ABCG8: variants seen among roughly 807,000 people sequenced by gnomAD.
ABCG8 encodes the protein ATP-binding cassette sub-family G member 8.
In ABCG8, 81 loss-of-function variants were observed where a neutral mutation model predicts 71.3. The ratio of observed to expected loss-of-function variants is 1.14; its 90% confidence interval spans 0.95 to 1.37. ABCG8 has a LOEUF of 1.37. ABCG8 is among the 40% of genes most tolerant of loss of function. ABCG8 has a pLI of 0.00. For synonymous variants in ABCG8, 451 were observed against 354.7 expected (o/e 1.27, Z -3.05); for missense variants, 1,119 against 866.2 (o/e 1.29, Z -3.66).
intron 11 of ABCG8, 93 bp from the exon 12 acceptor site, chr2:43,877,468 G>C (rs1669994847): frequency 3.8e-6 from 6 of 1,577,584 alleles, no homozygotes; most frequent in Non-Finnish European, 5.2e-6. Flanking sequence ...GGAATATGGG[G>C]AGACTCTGTG....
chr2:43,867,226 T>A (rs2104939208), intron 6 of ABCG8, among the ~76,000 whole-genome samples: 1 of 149,112 alleles, frequency 6.7e-6, no homozygotes, highest in South Asian at 2.2e-4. Flanking sequence ...GGGATAGCAC[T>A]GGGAGATATA....
At chr2:43,857,677 T>C (rs530524435) in intron 6 of ABCG8, among the ~76,000 whole-genome samples, 9 of 151,704 alleles carry the variant, frequency 5.9e-5, no homozygotes, top group African/African-American at 2.2e-4. Context: ...TGGACAAAAC[T>C]CTCACTATCT....
chr2:43,840,303 T>C (rs1425439825), intron 1 of ABCG8, among the ~76,000 whole-genome samples: 1 of 152,218 alleles, frequency 6.6e-6, no homozygotes, highest in African/African-American at 2.4e-5. Flanking sequence ...GCTCTCTGAA[T>C]ACCCTGTGGG....
chr2:43,876,292 TG>T (rs547992298), intron 11 of ABCG8, among the ~76,000 whole-genome samples: 39 of 152,350 alleles, frequency 2.6e-4, no homozygotes, highest in Non-Finnish European at 2.9e-4. Flanking sequence ...TCTTGGTCTC[TG>T]GTCTCTCTCC....
Position 43,872,256 on chromosome 2 carries a change from G to C in ABCG8, c.1161G>C (p.Pro387=), listed in dbSNP as rs568651603. ...CCCCACTAGACACCAACTGCCTCCCGAGTCCTACGAAGATGCCTGGGGCGG... is the reference window on the plus strand; with the variant it reads ...CCCCACTAGACACCAACTGCCTCCCCAGTCCTACGAAGATGCCTGGGGCGG... The part of the protein sequence containing the change: ...SVTPLDTNCL[P]SPTKMPGAVQ... The change falls in exon 8 of 13, where the codon CCG becomes CCC. Residue 387 remains proline, a synonymous_variant. Transcript: ENST00000272286. 6.2e-7 allele frequency: 1 copy of C among 1,613,940 alleles called. No individual in the cohort carries two copies. The highest frequency in any genetic ancestry group is 1.7e-5 in the Admixed American group (1 of 60,022).
intron 6 of ABCG8, among the ~76,000 whole-genome samples, chr2:43,870,246 A>AT (rs1669714624): frequency 6.6e-6 from 1 of 151,744 alleles, no homozygotes; most frequent in Non-Finnish European, 1.5e-5. Flanking sequence ...TCTGGATAGA[A>AT]CTAGCACTAT....
At chr2:43,866,454 A>G (rs1322075576) in intron 6 of ABCG8, among the ~76,000 whole-genome samples, 2 of 152,174 alleles carry the variant, frequency 1.3e-5, no homozygotes, top group Admixed American at 1.3e-4. Context: ...CATCTGACAA[A>G]GGGCTAATAT....
chr2:43,871,858 T>C (rs1055953431), intron 6 of ABCG8, 118 bp from the exon 7 acceptor site: 19 of 1,426,124 alleles, frequency 1.3e-5, no homozygotes, highest in Non-Finnish European at 1.7e-5. Flanking sequence ...GTGGGGAGAA[T>C]GTCCCAGAGC....
intron 1 of ABCG8, among the ~76,000 whole-genome samples, chr2:43,841,447 CAG>C (rs1668578881): frequency 6.6e-6 from 1 of 152,168 alleles, no homozygotes; most frequent in Non-Finnish European, 1.5e-5. Flanking sequence ...TTGAAAAATA[CAG>C]AGAGTTTGTC....
At chr2:43,870,706 A>T (rs1558847511) in intron 6 of ABCG8, among the ~76,000 whole-genome samples, 1 of 151,624 alleles carries the variant, frequency 6.6e-6, no homozygotes, top group Non-Finnish European at 1.5e-5. Context: ...TCTGGATCGA[A>T]CTCTCACTAT....
chr2:43,854,626 C>CAAAAAAAA (rs759609173), intron 6 of ABCG8, among the ~76,000 whole-genome samples: 7 of 74,722 alleles, frequency 9.4e-5, no homozygotes, highest in African/African-American at 2.7e-4. Flanking sequence ...GACTCCATCT[C>CAAAAAAAA]AAAAAAAAAA....
At chr2:43,863,607 T>A (rs1669411321) in intron 6 of ABCG8, among the ~76,000 whole-genome samples, 1 of 151,660 alleles carries the variant, frequency 6.6e-6, no homozygotes, top group South Asian at 2.1e-4. Flanking sequence ...GAATTCTCAC[T>A]ATCTGTCAGG....
At chr2:43,863,599 A>G (rs1226081394) in intron 6 of ABCG8, among the ~76,000 whole-genome samples, 5 of 151,500 alleles carry the variant, frequency 3.3e-5, no homozygotes, top group African/African-American at 1.2e-4. Context: ...TCTGGATAGA[A>G]TTCTCACTAT....
At position 43,875,275 on chromosome 2, in the gene ABCG8, T is replaced by C. The variant is rs752691925; in HGVS notation, c.1618T>C (p.Phe540Leu). 1.2e-6 allele frequency: 2 copies of C among 1,614,210 alleles called. No individual in the cohort carries two copies. The highest frequency in any genetic ancestry group is 4.5e-5 in the East Asian group (2 of 44,880). ...CTTCCTGCTGGTGTGGCTGGTGGTC[T>C]TCTGTTGCAGGATTATGGCCCTGGC... ...LHFLLVWLVV[F>L]CCRIMALAAA... The change falls in exon 11 of 13, where the codon TTC (phenylalanine) becomes CTC (leucine). Residue 540 changes from phenylalanine to leucine, a missense_variant. Physicochemically the swap from Phe to Leu is conservative, Grantham distance 22. Coordinates refer to ENST00000272286, the MANE Select transcript of ABCG8 (RefSeq NM_022437.3).
At chr2:43,874,606 G>A (rs1324738365) in intron 10 of ABCG8, 123 bp downstream of exon 10, 30 of 763,866 alleles carry the variant, frequency 3.9e-5, no homozygotes, top group South Asian at 5.6e-5. Context: ...TGAAGTCACC[G>A]ATGCCACCAG....
In ABCG8 at chr2:43,867,094, G is replaced by A. The variant is rs1383354180; in HGVS notation, c.965-4882G>A. Reference sequence around the variant, plus strand: ...CATCATTCTCAGTAAACTATCGCAAGAACAAAAAACCAAACACCGCATGTT... The same window carrying A: ...CATCATTCTCAGTAAACTATCGCAAAAACAAAAAACCAAACACCGCATGTT... On this transcript the variant is annotated intron_variant, in intron 6 of 12. Coordinates refer to ENST00000272286, the MANE Select transcript of ABCG8 (RefSeq NM_022437.3). Among the ~76,000 whole-genome samples, 6 of 150,912 alleles carry A rather than the reference G, an allele frequency of 4.0e-5. No homozygotes were observed. The East Asian group carries it at 1.2e-3, about 30-fold the overall frequency.
At chr2:43,858,739 T>C (rs536369777) in intron 6 of ABCG8, among the ~76,000 whole-genome samples, 13 of 118,362 alleles carry the variant, frequency 1.1e-4, no homozygotes, top group African/African-American at 3.6e-4. Flanking sequence ...GGTAGAACTC[T>C]CACTATCTGG....
In ABCG8 at chr2:43,881,989, A is replaced by C. The variant is rs1461775090; in HGVS notation, c.*4076A>C. 1 of 152,210 alleles carries C rather than the reference A, an allele frequency of 6.6e-6. No homozygotes were observed. The highest frequency in any genetic ancestry group is 2.4e-5 in the African/African-American group (1 of 41,460). 9.4% of individuals were successfully genotyped at this position (152,210 alleles called of 1,614,324 possible). ...CTTCTAAGAAAGTATTATTTACAAA[A>C]ACAGGCAGGTTGCTAGATTTGACCT... is the stretch of plus-strand genomic sequence containing the variant. On this transcript the variant is annotated 3_prime_UTR_variant, in exon 13 of 13. Transcript: ENST00000272286.
chr2:43,877,845 G>T lies in ABCG8; in HGVS notation c.1954G>T (p.Gly652Cys). 6.2e-7 allele frequency: 1 copy of T among 1,614,082 alleles called. No homozygotes were observed. The highest frequency in any genetic ancestry group is 8.5e-7 in the Non-Finnish European group (1 of 1,180,020). The part of the protein sequence containing the change: ...AIYLIVIGLS[G>C]GFMVLYYVSL... ...CTACCTCATCGTCATTGGCCTCAGC[G>T]GTGGCTTCATGGTCCTGTACTACGT... Residue 652 changes from glycine (G) to cysteine (C), a missense_variant, in exon 13 of 13, where the codon GGT becomes TGT. By Grantham distance (159) the Gly-to-Cys change is radical (BLOSUM62 -3). Coordinates refer to ENST00000272286, the MANE Select transcript of ABCG8 (RefSeq NM_022437.3).
Sources: gnomAD v4.1 joint callset for allele counts (sites outside exome capture counted in the v4.1 genomes callset) on GRCh38, gnomAD v4.1.1 for gene constraint, MANE v1.5 for transcripts, NCBI Gene and HGNC (gene_info 2026-07-23, HGNC 2026-07-21) for gene names.